UHRF2: variants seen among roughly 807,000 people sequenced by gnomAD.
UHRF2 encodes the protein E3 ubiquitin-protein ligase UHRF2.
A neutral mutation model predicts 96.8 loss-of-function variants in UHRF2; 23 were observed. The observed-to-expected ratio is 0.24, with a 90% CI of 0.17 to 0.34. The LOEUF (loss-of-function observed/expected upper bound fraction) is 0.34, where lower values mean the gene tolerates loss of function less well. UHRF2 is among the 10% of genes least tolerant of loss of function. UHRF2 has a pLI of 1.00. For synonymous variants in UHRF2, 385 were observed against 332.6 expected (o/e 1.16, Z -1.72); for missense variants, 685 against 981.5 (o/e 0.70, Z 4.04).
intron 4 of UHRF2, chr9:6,468,290 C>G (rs755580443): frequency 5.5e-6 from 2 of 360,750 alleles, no homozygotes; most frequent in Non-Finnish European, 1.1e-5. Flanking sequence ...TGGCTTTGGC[C>G]TTGAATTTGT....
Position 6,458,783 on chromosome 9 carries a change from C to T in UHRF2, c.645-1790C>T, listed in dbSNP as rs536323073. On this transcript the variant is annotated intron_variant, in intron 3 of 15. Transcript: ENST00000276893. ...ACATGCACATGTATGTTTATTGCAG[C>T]ACTGTTCACAACAGCAAAGACTTGG... 2.6e-5 allele frequency among the ~76,000 whole-genome samples: 4 copies of T among 152,288 alleles called. No homozygotes were observed. The South Asian group carries it at 8.3e-4, about 32-fold the overall frequency.
chr9:6,427,230 G>A (rs1781920851), intron 2 of UHRF2, among the ~76,000 whole-genome samples: 1 of 152,046 alleles, frequency 6.6e-6, no homozygotes, highest in African/African-American at 2.4e-5. Flanking sequence ...TACATGTAGA[G>A]CTTTCTATAG....
chr9:6,439,793 A>G lies in UHRF2; in HGVS notation c.644+5620A>G, dbSNP rs866699520. The stretch of plus-strand genomic sequence containing the variant: ...CACATACAACTTGGCTGTGAGAACT[A>G]CCTCCCCTTACCCAAACCCTGGTTA... On this transcript the variant is annotated intron_variant, in intron 3 of 15. Transcript: ENST00000276893. Among the ~76,000 whole-genome samples, 4 of 152,026 alleles carry G rather than the reference A, an allele frequency of 2.6e-5. No individual in the cohort carries two copies. The South Asian group carries it at 8.3e-4, about 32-fold the overall frequency.
rs751155835 is a variant in UHRF2 at position 6,445,981 on chromosome 9, C to CTTTGTTTTTTTTTTTTTTTTTTTTTT, written c.644+11811_644+11812insGTTTTTTTTTTTTTTTTTTTTTTTTT. Among the ~76,000 whole-genome samples, 18 of 78,904 alleles carry CTTTGTTTTTTTTTTTTTTTTTTTTTT rather than the reference C, an allele frequency of 2.3e-4. 1 individual carries two copies. The highest frequency in any genetic ancestry group is 8.4e-4 in the African/African-American group (16 of 19,054). 51.8% of individuals were successfully genotyped at this position (78,904 alleles called of 152,430 possible). A position where few individuals can be genotyped will look rare whatever the true frequency, so the allele number is the denominator to read the frequency against. ...TAAATACTCTTCCCCCCCCGCCACC[C>CTTTGTTTTTTTTTTTTTTTTTTTTTT]TTTTTTTTTTTTTTTTTTTCCTGTT... On this transcript the variant is annotated intron_variant, in intron 3 of 15. Transcript: ENST00000276893.
chr9:6,440,940 G>C (rs1821126523), intron 3 of UHRF2, among the ~76,000 whole-genome samples: 1 of 152,152 alleles, frequency 6.6e-6, no homozygotes, highest in African/African-American at 2.4e-5. Flanking sequence ...ATCATTCCCT[G>C]TGATTCTATT....
chr9:6,470,758 A>G (rs573371710), intron 4 of UHRF2, among the ~76,000 whole-genome samples: 2 of 152,350 alleles, frequency 1.3e-5, no homozygotes, highest in East Asian at 3.9e-4. Context: ...TCAGGTTTGC[A>G]CAGTCCAATC....
At chr9:6,481,874 A>C (rs1823949007) in intron 7 of UHRF2, 108 bp downstream of exon 7, 10 of 1,531,608 alleles carry the variant, frequency 6.5e-6, no homozygotes, top group Non-Finnish European at 8.8e-6. Context: ...ATTATTTGTT[A>C]ATATCAATGG....
intron 9 of UHRF2, among the ~76,000 whole-genome samples, chr9:6,488,251 TAAAAAAAAAAAAAAAAAAAAAAAAAAAA>T (rs777979832): frequency 8.0e-4 from 42 of 52,572 alleles, no homozygotes; most frequent in Non-Finnish European, 1.3e-3. Flanking sequence ...CCTGTCTCCT[TAAAAAAAAAAAAAAAAAAAAAAAAAAAA>T]AAAAAAAAAA....
In UHRF2 at chr9:6,499,998, G is replaced by T. The variant is rs992117314; in HGVS notation, c.2005+67G>T. 16 of 1,271,876 alleles carry T rather than the reference G, an allele frequency of 1.3e-5. No homozygotes were observed. In the East Asian group the frequency reaches 3.5e-4, roughly 28 times the overall value. The allele number at this position is 1,271,876 out of a possible 1,614,324, so 78.8% of individuals were successfully genotyped here. A position where few individuals can be genotyped will look rare whatever the true frequency, so the allele number is the denominator to read the frequency against. On this transcript the variant is annotated intron_variant, in intron 13 of 15. Coordinates refer to ENST00000276893, the MANE Select transcript of UHRF2 (RefSeq NM_152896.3). ...TTGTTGTTGTTGTTGTTGAGACGGG[G>T]TCTCACTCTTGTCACCCAGGCTGGA...
At chr9:6,501,336 AT>A (rs1177985893) in intron 14 of UHRF2, among the ~76,000 whole-genome samples, 3 of 152,040 alleles carry the variant, frequency 2.0e-5, no homozygotes, top group African/African-American at 7.2e-5. Flanking sequence ...TGTGTCTTTA[AT>A]TTTACTTATA....
intron 3 of UHRF2, among the ~76,000 whole-genome samples, chr9:6,438,655 C>A (rs575300396): frequency 5.9e-5 from 9 of 152,276 alleles, no homozygotes; most frequent in African/African-American, 2.2e-4. Flanking sequence ...ATGAAAGAAA[C>A]CTGCCTCTGG....
In UHRF2 at chr9:6,421,064, T is replaced by C. The variant is rs767410621; in HGVS notation, c.306T>C (p.Ala102=). 6.2e-7 allele frequency: 1 copy of C among 1,614,150 alleles called. No individual in the cohort carries two copies. The highest frequency in any genetic ancestry group is 1.1e-5 in the South Asian group (1 of 91,074). ...CSNSPPKVKK[A]PRVGPSNQPS... ...ATAGTCCACCTAAAGTAAAGAAAGC[T>C]CCGAGGGTAGGACCTTCCAATCAGC... Residue 102 remains alanine (A), a synonymous_variant, in exon 2 of 16, where the codon GCT becomes GCC. Coordinates refer to ENST00000276893, the MANE Select transcript of UHRF2 (RefSeq NM_152896.3).
intron 3 of UHRF2, among the ~76,000 whole-genome samples, chr9:6,452,623 A>C (rs551975239): frequency 2.1e-4 from 32 of 152,230 alleles, no homozygotes; most frequent in Admixed American, 5.9e-4. Context: ...AACAGTCATT[A>C]ACAGGTTATC....
At chr9:6,433,210 A>G (rs1820654231) in intron 2 of UHRF2, among the ~76,000 whole-genome samples, 2 of 152,156 alleles carry the variant, frequency 1.3e-5, no homozygotes, top group South Asian at 4.1e-4. Flanking sequence ...ATTCTCTGAT[A>G]CACCTGTTTT....
chr9:6,473,203 A>G (rs1823356633), intron 4 of UHRF2, among the ~76,000 whole-genome samples: 2 of 152,182 alleles, frequency 1.3e-5, no homozygotes, highest in African/African-American at 4.8e-5. Context: ...GTCAACTGGA[A>G]GCTCCCACTG....
At chr9:6,420,173 C>T (rs116309856) in intron 1 of UHRF2, among the ~76,000 whole-genome samples, 2,494 of 151,888 alleles carry the variant, frequency 0.016, 69 homozygotes, top group African/African-American at 0.057. Flanking sequence ...TCTCTTGCCT[C>T]TGCCTCCTGA....
chr9:6,505,922 C>G, intron 15 of UHRF2, 111 bp from the exon 16 acceptor site: 4 of 1,116,338 alleles, frequency 3.6e-6, no homozygotes, highest in South Asian at 3.1e-5. Flanking sequence ...TTTGTTCATT[C>G]TGTACATTTC....
At chr9:6,483,019 G>A (rs532018177) in intron 8 of UHRF2, among the ~76,000 whole-genome samples, 6 of 152,038 alleles carry the variant, frequency 3.9e-5, no homozygotes, top group African/African-American at 1.5e-4. Context: ...CAAAGTCTGT[G>A]GATGCTCAAA....
intron 10 of UHRF2, chr9:6,495,419 G>A (rs1389178541): frequency 6.6e-6 from 1 of 152,198 alleles, no homozygotes; most frequent in Non-Finnish European, 1.5e-5. Flanking sequence ...CTTGGGCAAA[G>A]GTACCTGTAT....
Sources: gnomAD v4.1 joint callset for allele counts (sites outside exome capture counted in the v4.1 genomes callset) on GRCh38, gnomAD v4.1.1 for gene constraint, MANE v1.5 for transcripts, NCBI Gene and HGNC (gene_info 2026-07-23, HGNC 2026-07-21) for gene names.